Variants in CRIM1 observed in about 807,000 individuals in gnomAD.
CRIM1 encodes cysteine rich transmembrane BMP regulator 1, also known as cysteine-rich motor neuron 1 protein.
Under a neutral mutation model 116.4 loss-of-function variants are expected in CRIM1, and 32 were observed. The observed-to-expected ratio is 0.27, with a 90% CI of 0.21 to 0.37. The LOEUF (loss-of-function observed/expected upper bound fraction) is 0.37, where lower values mean the gene tolerates loss of function less well. Ranked by LOEUF, CRIM1 falls within the 10% of genes least tolerant of loss-of-function variation. CRIM1 has a pLI of 1.00. For synonymous variants in CRIM1, 590 were observed against 509.2 expected, an observed-to-expected ratio of 1.16 and a Z score of -2.13; for missense variants, 1,331 against 1,354.8, an observed-to-expected ratio of 0.98 and a Z score of 0.28.
At chr2:36,397,058 G>A (rs976675956) in intron 2 of CRIM1, among the ~76,000 whole-genome samples, 4 of 152,174 alleles carry the variant, frequency 2.6e-5, no homozygotes, top group East Asian at 1.9e-4. Flanking sequence ...GATTTCACAA[G>A]CGGTGTGCTT....
At position 36,550,551 on chromosome 2, in the gene CRIM1, A is replaced by T. The variant is rs1440927006; in HGVS notation, c.*1850A>T. On this transcript the variant is annotated 3_prime_UTR_variant, in exon 17 of 17. Coordinates refer to ENST00000280527, the MANE Select transcript of CRIM1 (RefSeq NM_016441.3). ...AGGTTGCTGAACTTTAAAAAAAATT[A>T]ATTTATTATTATAATGACCTAATTT... 2 of 152,480 alleles carry T rather than the reference A, an allele frequency of 1.3e-5. No individual in the cohort carries two copies. The highest frequency in any genetic ancestry group is 2.9e-5 in the Non-Finnish European group (2 of 68,000). 9.4% of individuals were successfully genotyped at this position (152,480 alleles called of 1,614,324 possible). A position where few individuals can be genotyped will look rare whatever the true frequency, so the allele number is the denominator to read the frequency against.
chr2:36,448,291 T>A (rs1676403784), intron 4 of CRIM1, among the ~76,000 whole-genome samples: 1 of 152,212 alleles, frequency 6.6e-6, no homozygotes, highest in Non-Finnish European at 1.5e-5. Context: ...GGCAGATGCA[T>A]TTGAAGGATG....
At position 36,442,791 on chromosome 2, in the gene CRIM1, G is replaced by A. The variant is rs1675960154; in HGVS notation, c.869+56G>A. 1.1e-5 allele frequency: 17 copies of A among 1,603,452 alleles called. No homozygotes were observed. The East Asian group carries it at 3.8e-4, about 36-fold the overall frequency. On this transcript the variant is annotated intron_variant, in intron 4 of 16. Coordinates refer to ENST00000280527, the MANE Select transcript of CRIM1 (RefSeq NM_016441.3). Reference sequence around the variant, plus strand: ...TCCTCATTTGTTAGCATCATCTAAGGTACATTTTGAGCATGCAGTTTGTTT... The same window carrying A: ...TCCTCATTTGTTAGCATCATCTAAGATACATTTTGAGCATGCAGTTTGTTT...
At position 36,356,268 on chromosome 2, in the gene CRIM1, G is replaced by C. The variant is rs1356647242; in HGVS notation, c.-25G>C. 6.0e-6 allele frequency: 8 copies of C among 1,336,848 alleles called. No individual in the cohort carries two copies. Among genetic ancestry groups the C allele is most frequent in the Non-Finnish European group, 7.9e-6 (8 of 1,018,136 alleles). 82.8% of individuals were successfully genotyped at this position (1,336,848 alleles called of 1,614,324 possible). On this transcript the variant is annotated 5_prime_UTR_variant, in exon 1 of 17. Transcript: ENST00000280527. The surrounding 1 kb of genome is among the most constrained non-coding windows in gnomAD (Gnocchi z 4.3). ...GCCCCGCTCCCGGCCCGGCTGCGAG[G>C]AGGAGGCGGCGGCGGCGCAGGAGGA...
chr2:36,539,934 C>T (rs567531754), intron 14 of CRIM1, among the ~76,000 whole-genome samples: 2 of 152,084 alleles, frequency 1.3e-5, no homozygotes, highest in African/African-American at 4.8e-5. Flanking sequence ...GTTTTTAAGC[C>T]TTGAGACTAG....
At chr2:36,359,694 T>A (rs1669095500) in intron 1 of CRIM1, among the ~76,000 whole-genome samples, 1 of 152,222 alleles carries the variant, frequency 6.6e-6, no homozygotes, top group Non-Finnish European at 1.5e-5. Flanking sequence ...TTTTCCGCAT[T>A]GTTTAGATTG....
At chr2:36,432,396 G>A (rs929112947) in intron 2 of CRIM1, among the ~76,000 whole-genome samples, 4 of 152,012 alleles carry the variant, frequency 2.6e-5, no homozygotes, top group African/African-American at 9.7e-5. Context: ...TATTTGAATG[G>A]CAATTTTTTC....
At chr2:36,499,087 A>G in intron 7 of CRIM1, 132 bp from the exon 8 acceptor site, 2 of 692,434 alleles carry the variant, frequency 2.9e-6, no homozygotes, top group Non-Finnish European at 5.0e-6. Flanking sequence ...ACTGGAGCAT[A>G]AAAGTTTACG....
At chr2:36,456,459 T>A (rs1262083836) in intron 4 of CRIM1, among the ~76,000 whole-genome samples, 4 of 152,238 alleles carry the variant, frequency 2.6e-5, no homozygotes, top group Non-Finnish European at 5.9e-5. Context: ...CCAGTTCTCC[T>A]TTCCACAGCG....
At chr2:36,444,745 C>A (rs72787263) in intron 4 of CRIM1, among the ~76,000 whole-genome samples, 9,321 of 152,238 alleles carry the variant, frequency 0.061, 378 homozygotes, top group Non-Finnish European at 0.088. Context: ...CTCATTTGTT[C>A]GCTTTGAACA....
chr2:36,392,017 C>T (rs7604100), intron 1 of CRIM1, among the ~76,000 whole-genome samples: 57,481 of 151,956 alleles, frequency 0.38, 12,095 homozygotes, highest in African/African-American at 0.57. Flanking sequence ...CTCAATTATA[C>T]ATCTTATTAA....
rs1667675612 is a variant in CRIM1, at chr2:36,550,279, G to A, written c.*1578G>A. On this transcript the variant is annotated 3_prime_UTR_variant, in exon 17 of 17. Coordinates refer to ENST00000280527, the MANE Select transcript of CRIM1 (RefSeq NM_016441.3). Reference sequence around the variant, plus strand: ...AAACAATGGTTTGAAACAACTACTGGAATATTGTCCACAATAAGCTGGAAG... The same window carrying A: ...AAACAATGGTTTGAAACAACTACTGAAATATTGTCCACAATAAGCTGGAAG... 6.7e-6 allele frequency: 1 copy of A among 149,980 alleles called. No homozygotes were observed. The highest frequency in any genetic ancestry group is 6.7e-5 in the Admixed American group (1 of 14,972). 9.3% of individuals were successfully genotyped at this position (149,980 alleles called of 1,614,324 possible).
intron 1 of CRIM1, among the ~76,000 whole-genome samples, chr2:36,368,770 C>T (rs1243893647): frequency 6.6e-6 from 1 of 152,188 alleles, no homozygotes; most frequent in Non-Finnish European, 1.5e-5. Context: ...CCTAAGCCAC[C>T]ATTTCCTAGG....
intron 2 of CRIM1, among the ~76,000 whole-genome samples, chr2:36,405,978 T>C (rs1298029518): frequency 6.6e-6 from 1 of 152,240 alleles, no homozygotes; most frequent in African/African-American, 2.4e-5. Flanking sequence ...TTTACCCATT[T>C]GGTCTTTGCT....
intron 2 of CRIM1, among the ~76,000 whole-genome samples, chr2:36,429,112 A>C (rs907910351): frequency 6.6e-6 from 1 of 152,238 alleles, no homozygotes; most frequent in Non-Finnish European, 1.5e-5. Flanking sequence ...AAAGGAACTT[A>C]GGTCCCTAGC....
chr2:36,454,269 A>G (rs535670749), intron 4 of CRIM1, among the ~76,000 whole-genome samples: 1 of 152,138 alleles, frequency 6.6e-6, no homozygotes, highest in East Asian at 1.9e-4. Flanking sequence ...TTGTAAATTT[A>G]GTGTGTTCTT....
chr2:36,542,099 G>T (rs1465352970), intron 14 of CRIM1, among the ~76,000 whole-genome samples: 1 of 152,150 alleles, frequency 6.6e-6, no homozygotes, highest in Non-Finnish European at 1.5e-5. Flanking sequence ...GGAGGTGTGG[G>T]TGGATTTTAA....
chr2:36,510,230 A>G, intron 9 of CRIM1, 91 bp downstream of exon 9: 2 of 1,269,490 alleles, frequency 1.6e-6, no homozygotes, highest in Non-Finnish European at 2.2e-6. Flanking sequence ...TTTGTGAATT[A>G]ATCTATGGTA....
intron 1 of CRIM1, among the ~76,000 whole-genome samples, chr2:36,381,129 G>A (rs1347342002): frequency 1.3e-5 from 2 of 152,024 alleles, no homozygotes; most frequent in East Asian, 3.9e-4. Flanking sequence ...CCCCCACACA[G>A]GAATCTAGAG....
Sources: gnomAD v4.1 joint callset for allele counts (sites outside exome capture counted in the v4.1 genomes callset) on GRCh38, gnomAD v4.1.1 for gene constraint, Gnocchi (gnomAD v3.1) non-coding constraint, MANE v1.5 for transcripts, NCBI Gene and HGNC (gene_info 2026-07-23, HGNC 2026-07-21) for gene names.